The following CLMN variants were observed in gnomAD, a reference collection of about 807,000 sequenced individuals.
CLMN encodes calmin (calponin-like, transmembrane).
CLMN carries 57 observed loss-of-function variants against 92.7 expected under a neutral mutation model. The ratio of observed to expected loss-of-function variants is 0.61; its 90% CI spans 0.50 to 0.77. The LOEUF (loss-of-function observed/expected upper bound fraction) is 0.77, where lower values mean the gene tolerates loss of function less well. CLMN is among the 30% of genes least tolerant of loss of function. The pLI is 0.00. For synonymous variants in CLMN, 466 were observed against 470.6 expected, an observed-to-expected ratio of 0.99 and a Z score of 0.13; for missense variants, 1,158 against 1,237.5, an observed-to-expected ratio of 0.94 and a Z score of 0.96.
At chr14:95,250,390 A>G (rs974893675) in intron 1 of CLMN, among the ~76,000 whole-genome samples, 2 of 152,260 alleles carry the variant, frequency 1.3e-5, no homozygotes, top group Admixed American at 1.3e-4. Context: ...TACTTCAGTA[A>G]TAAGCATTTT....
At chr14:95,212,488 G>A (rs551928321) in intron 6 of CLMN, among the ~76,000 whole-genome samples, 5 of 152,308 alleles carry the variant, frequency 3.3e-5, no homozygotes, top group African/African-American at 1.2e-4. Context: ...AAACAGGGCC[G>A]GAACTTGGCT....
At chr14:95,245,191 TATAATATATATATATA>T (rs1898432495) in intron 1 of CLMN, among the ~76,000 whole-genome samples, 1 of 38,160 alleles carries the variant, frequency 2.6e-5, no homozygotes, top group Non-Finnish European at 4.3e-5. Context: ...TATATATATA[TATAATATATATATATA>T]TTATATATAT....
intron 1 of CLMN, among the ~76,000 whole-genome samples, chr14:95,315,039 G>A (rs560808152): frequency 3.9e-5 from 6 of 152,260 alleles, no homozygotes; most frequent in Admixed American, 6.5e-5. Flanking sequence ...GCTGGATAAC[G>A]GTGACCATGG....
At chr14:95,225,262 T>TA (rs1269380466) in intron 2 of CLMN, among the ~76,000 whole-genome samples, 1 of 152,148 alleles carries the variant, frequency 6.6e-6, no homozygotes, top group Non-Finnish European at 1.5e-5. Context: ...GCAAGGCCGT[T>TA]AGACACACCT....
intron 1 of CLMN, among the ~76,000 whole-genome samples, chr14:95,292,267 C>G (rs911245211): frequency 3.9e-5 from 6 of 152,214 alleles, no homozygotes; most frequent in African/African-American, 1.2e-4. Context: ...TCATTTGGAA[C>G]ATTTTGTATT....
At chr14:95,221,350 G>A (rs770689591) in intron 4 of CLMN, among the ~76,000 whole-genome samples, 3 of 152,096 alleles carry the variant, frequency 2.0e-5, no homozygotes, top group Admixed American at 6.6e-5. Context: ...TTCTACACTC[G>A]GACATGCTCG....
rs556469259 is a variant in CLMN, at chr14:95,203,035, C to G, written c.2314G>C (p.Glu772Gln). Reference sequence around the variant, plus strand: ...CTGCTCTGAGAGCCATCGGCCTCCTCCTCCCTGGAGTCCAGGTCTGGCATA... The same window carrying G: ...CTGCTCTGAGAGCCATCGGCCTCCTGCTCCCTGGAGTCCAGGTCTGGCATA... ...GYMPDLDSREEEADGSQSSSS... is the reference protein window; with the variant it reads ...GYMPDLDSREQEADGSQSSSS... The change falls in exon 9 of 13, where the codon GAG becomes CAG. Residue 772 changes from glutamate to glutamine, a missense_variant. By Grantham distance (29) the Glu-to-Gln change is conservative. Transcript: ENST00000298912. The G allele has an allele frequency of 1.9e-5, 31 of 1,614,040 alleles. No homozygotes were observed. The highest frequency in any genetic ancestry group is 2.6e-5 in the Non-Finnish European group (31 of 1,180,036).
intron 1 of CLMN, among the ~76,000 whole-genome samples, chr14:95,264,491 G>A (rs910057067): frequency 1.3e-5 from 2 of 152,112 alleles, no homozygotes; most frequent in East Asian, 3.9e-4. Flanking sequence ...ACCATGCTCA[G>A]TACAGAGGGC....
intron 12 of CLMN, chr14:95,192,381 A>G (rs188031403): frequency 3.3e-5 from 5 of 152,272 alleles, no homozygotes; most frequent in African/African-American, 9.6e-5. Context: ...TTAAAATGTC[A>G]TTTCAGTTTT....
rs1422987450 is a variant in CLMN, at chr14:95,245,213, T to C, written c.83-15080A>G. Among the ~76,000 whole-genome samples, 180 of 31,750 alleles carry C rather than the reference T, an allele frequency of 5.7e-3. 14 individuals are homozygous for C. The highest frequency in any genetic ancestry group is 0.021 in the African/African-American group (114 of 5,410). 20.8% of individuals were successfully genotyped at this position (31,750 alleles called of 152,430 possible). Reference sequence around the variant, plus strand: ...ATATATAATATATATATATATTATATATATATATATATTATATATATATAT... The same window carrying C: ...ATATATAATATATATATATATTATACATATATATATATTATATATATATAT... On this transcript the variant is annotated intron_variant, in intron 1 of 12. Coordinates refer to ENST00000298912, the MANE Select transcript of CLMN (RefSeq NM_024734.4).
In CLMN at chr14:95,194,494, T is replaced by A; in HGVS notation, c.2769+42A>T. 1.2e-6 allele frequency: 2 copies of A among 1,613,820 alleles called. No homozygotes were observed. Among genetic ancestry groups the A allele is most frequent in the Non-Finnish European group, 1.7e-6 (2 of 1,179,732 alleles). On this transcript the variant is annotated intron_variant, in intron 11 of 12. Coordinates refer to ENST00000298912, the MANE Select transcript of CLMN (RefSeq NM_024734.4). The surrounding 1 kb of genome is among the most constrained non-coding windows in gnomAD (Gnocchi z 4.0). ...GGAGGAAGGATGGAAAGGAATTGAT[T>A]AGCAGGGGCCGTGCGGAAAGAGAAG...
chr14:95,282,028 G>A (rs1164986919), intron 1 of CLMN, among the ~76,000 whole-genome samples: 1 of 152,154 alleles, frequency 6.6e-6, no homozygotes, highest in African/African-American at 2.4e-5. Flanking sequence ...TGTGTCTCTG[G>A]TTATGGATGG....
intron 2 of CLMN, among the ~76,000 whole-genome samples, chr14:95,227,138 A>G (rs954610583): frequency 6.6e-6 from 1 of 152,074 alleles, no homozygotes; most frequent in Admixed American, 6.5e-5. Flanking sequence ...CAGGGGCAGG[A>G]AACAGTGGAA....
chr14:95,202,603 G>T (rs969471499), intron 9 of CLMN, among the ~76,000 whole-genome samples: 3 of 152,192 alleles, frequency 2.0e-5, no homozygotes, highest in African/African-American at 7.2e-5. Context: ...GGCCAGGACT[G>T]GGGGAAAGCC....
Position 95,187,498 on chromosome 14 carries a change from G to C in CLMN, c.*4066C>G, listed in dbSNP as rs1373624972. ...CAGGAGAGGCTTGGGGATTGGAATA[G>C]GAGGGATGGGGTGAGACATGGGGCT... On this transcript the variant is annotated 3_prime_UTR_variant, in exon 13 of 13. Transcript: ENST00000298912. The C allele has an allele frequency of 2.0e-5, 3 of 152,226 alleles. No homozygotes were observed. The highest frequency in any genetic ancestry group is 1.5e-5 in the Non-Finnish European group (1 of 68,088). 9.4% of individuals were successfully genotyped at this position (152,226 alleles called of 1,614,324 possible).
At position 95,242,250 on chromosome 14, in the gene CLMN, C is replaced by CTTTTTTTTTTTTT. The variant is rs371417505; in HGVS notation, c.83-12130_83-12118dup. On this transcript the variant is annotated intron_variant, in intron 1 of 12. Coordinates refer to ENST00000298912, the MANE Select transcript of CLMN (RefSeq NM_024734.4). ...GGCATTTCTTTTCTTTTTTCTTTTT[C>CTTTTTTTTTTTTT]TTTTTTTTTTTTTTTTTTTTTTTTT... Among the ~76,000 whole-genome samples the CTTTTTTTTTTTTT allele has an allele frequency of 9.3e-3, 859 of 92,538 alleles. 7 individuals carry two copies. Among genetic ancestry groups the CTTTTTTTTTTTTT allele is most frequent in the Non-Finnish European group, 0.015 (642 of 43,348 alleles). 60.7% of individuals were successfully genotyped at this position (92,538 alleles called of 152,430 possible). A position where few individuals can be genotyped will look rare whatever the true frequency, so the allele number is the denominator to read the frequency against.
intron 1 of CLMN, among the ~76,000 whole-genome samples, chr14:95,253,063 G>T (rs1440071564): frequency 6.6e-6 from 1 of 152,160 alleles, no homozygotes; most frequent in Admixed American, 6.5e-5. Context: ...TGCAGTTGGT[G>T]CCAGAAACAA....
Position 95,210,733 on chromosome 14 carries a change from C to T in CLMN, c.755G>A (p.Ser252Asn). The change falls in exon 7 of 13, where the codon AGC (serine) becomes AAC (asparagine). Residue 252 changes from serine to asparagine, a missense_variant. Ser to Asn is a conservative substitution (Grantham distance 46). Transcript: ENST00000298912. ...GATGTGCAGGGCATCCTGTGCGATG[C>T]TGAAAGCCTTCTCTAGATTTTCTCG... ...STRENLEKAF[S>N]IAQDALHIPR... The T allele has an allele frequency of 6.2e-7, 1 of 1,610,488 alleles. No individual in the cohort carries two copies. The highest frequency in any genetic ancestry group is 8.5e-7 in the Non-Finnish European group (1 of 1,178,434).
intron 1 of CLMN, among the ~76,000 whole-genome samples, chr14:95,262,959 T>G (rs1220582252): frequency 6.6e-6 from 1 of 152,168 alleles, no homozygotes; most frequent in Non-Finnish European, 1.5e-5. Flanking sequence ...GGAGCAAAAC[T>G]AGGCCATGGT....
Sources: allele counts gnomAD v4.1 joint callset (sites outside exome capture counted in the v4.1 genomes callset), GRCh38; gene constraint gnomAD v4.1.1; non-coding constraint Gnocchi (gnomAD v3.1); transcripts MANE v1.5; gene names NCBI Gene and HGNC (gene_info 2026-07-23, HGNC 2026-07-21).